The following RAB3C variants were observed in gnomAD, a reference collection of about 807,000 sequenced individuals.
RAB3C encodes the protein ras-related protein Rab-3C.
Under a neutral mutation model 26.4 loss-of-function variants are expected in RAB3C, and 17 were observed. That is an observed-to-expected ratio of 0.64 (90% confidence interval 0.44 to 0.97). The LOEUF is 0.97. Among genes scored for constraint, RAB3C ranks in the 50% least tolerant of loss-of-function variants. The pLI is 0.00. For synonymous variants in RAB3C, 91 were observed against 95.9 expected, an observed-to-expected ratio of 0.95 and a Z score of 0.30; for missense variants, 242 against 281.9, an observed-to-expected ratio of 0.86 and a Z score of 1.01.
At chr5:58,671,994 C>G (rs1748127873) in intron 2 of RAB3C, among the ~76,000 whole-genome samples, 1 of 152,058 alleles carries the variant, frequency 6.6e-6, no homozygotes, top group Admixed American at 6.5e-5. Flanking sequence ...CAATCAGGTA[C>G]TCTTCATTCA....
intron 4 of RAB3C, among the ~76,000 whole-genome samples, chr5:58,828,417 A>C (rs528604934): frequency 6.0e-4 from 92 of 152,084 alleles, no homozygotes; most frequent in Non-Finnish European, 1.2e-3. Flanking sequence ...TTTCCTTGGT[A>C]GACTCCTCCT....
chr5:58,690,767 A>C (rs1280342171), intron 2 of RAB3C, among the ~76,000 whole-genome samples: 1 of 152,182 alleles, frequency 6.6e-6, no homozygotes, highest in Admixed American at 6.6e-5. Context: ...AAAGAAAAAA[A>C]AAGCAGACTA....
intron 3 of RAB3C, among the ~76,000 whole-genome samples, chr5:58,727,046 C>G (rs572932659): frequency 1.3e-5 from 2 of 152,098 alleles, no homozygotes; most frequent in Non-Finnish European, 2.9e-5. Flanking sequence ...AAATACCGCA[C>G]TTTAACTGTA....
At chr5:58,822,303 T>C (rs1036898437) in intron 3 of RAB3C, among the ~76,000 whole-genome samples, 4 of 152,250 alleles carry the variant, frequency 2.6e-5, no homozygotes, top group Non-Finnish European at 4.4e-5. Flanking sequence ...CTGAGTGATC[T>C]TGGGCAATTA....
intron 2 of RAB3C, among the ~76,000 whole-genome samples, chr5:58,688,748 A>C (rs1748499020): frequency 6.6e-6 from 1 of 152,114 alleles, no homozygotes; most frequent in African/African-American, 2.4e-5. Context: ...TTACAGATTA[A>C]ACTCCATAAA....
At chr5:58,823,167 A>G (rs1195961921) in intron 3 of RAB3C, 4 of 357,502 alleles carry the variant, frequency 1.1e-5, no homozygotes, top group Non-Finnish European at 2.2e-5. Context: ...GATGCTTACA[A>G]GAAACGGTTC....
At chr5:58,781,071 A>G (rs1742259133) in intron 3 of RAB3C, among the ~76,000 whole-genome samples, 1 of 152,028 alleles carries the variant, frequency 6.6e-6, no homozygotes, top group Non-Finnish European at 1.5e-5. Flanking sequence ...CTGAATAGTA[A>G]CTAGAACTGC....
intron 3 of RAB3C, among the ~76,000 whole-genome samples, chr5:58,783,623 T>G (rs1008105647): frequency 1.3e-5 from 2 of 152,186 alleles, no homozygotes; most frequent in Non-Finnish European, 2.9e-5. Context: ...ATATAGTACT[T>G]GCTCTGGATC....
intron 2 of RAB3C, chr5:58,647,549 G>A (rs1324393514): frequency 6.6e-6 from 1 of 152,084 alleles, no homozygotes; most frequent in East Asian, 1.9e-4. Flanking sequence ...ATTTCAGTGG[G>A]GACACAGCCA....
intron 1 of RAB3C, among the ~76,000 whole-genome samples, chr5:58,614,953 C>A (rs555379875): frequency 2.0e-5 from 3 of 152,034 alleles, no homozygotes; most frequent in African/African-American, 7.2e-5. Flanking sequence ...TATAAATAAT[C>A]TGTACATAAT....
At chr5:58,827,758 G>C (rs965069864) in intron 4 of RAB3C, among the ~76,000 whole-genome samples, 1 of 152,162 alleles carries the variant, frequency 6.6e-6, no homozygotes. Context: ...CATTTACCTC[G>C]TTTAATGTGG....
intron 2 of RAB3C, among the ~76,000 whole-genome samples, chr5:58,707,115 TCC>T (rs1748959734): frequency 6.6e-6 from 1 of 152,210 alleles, no homozygotes; most frequent in Non-Finnish European, 1.5e-5. Context: ...TAATCTTATT[TCC>T]ATTTCTGGAA....
chr5:58,802,235 G>C (rs778224773), intron 3 of RAB3C, among the ~76,000 whole-genome samples: 6 of 152,080 alleles, frequency 3.9e-5, no homozygotes, highest in Middle Eastern at 3.2e-3. Context: ...TTTTGAATTA[G>C]AGAGCTTCTT....
At chr5:58,784,857 G>A (rs437730) in intron 3 of RAB3C, 119,211 of 152,194 alleles carry the variant, frequency 0.78, 46,842 homozygotes, top group African/African-American at 0.83. Context: ...AGGAAAGCAC[G>A]GCATTATCTA....
intron 3 of RAB3C, among the ~76,000 whole-genome samples, chr5:58,776,346 AAATAT>A (rs1427452132): frequency 6.6e-6 from 1 of 152,004 alleles, no homozygotes; most frequent in Non-Finnish European, 1.5e-5. Flanking sequence ...TCTACACCTT[AAATAT>A]TGGTGTTTCC....
chr5:58,632,222 G>C (rs1333986502), intron 2 of RAB3C, among the ~76,000 whole-genome samples: 1 of 152,162 alleles, frequency 6.6e-6, no homozygotes, highest in African/African-American at 2.4e-5. Context: ...TTTTACGCTG[G>C]GGTTTATCAG....
intron 3 of RAB3C, among the ~76,000 whole-genome samples, chr5:58,813,323 A>G (rs1743128648): frequency 6.6e-6 from 1 of 152,026 alleles, no homozygotes; most frequent in African/African-American, 2.4e-5. Flanking sequence ...TATTCCATAC[A>G]TGGTTTAGCA....
intron 3 of RAB3C, among the ~76,000 whole-genome samples, chr5:58,816,078 G>A (rs6892583): frequency 0.34 from 50,975 of 152,082 alleles, 9,550 homozygotes; most frequent in African/African-American, 0.51. Context: ...AATAATCAGT[G>A]CTTTTGAGCC....
intron 2 of RAB3C, 47 bp from the exon 3 acceptor site, chr5:58,725,955 G>T: frequency 1.8e-6 from 2 of 1,117,704 alleles, no homozygotes; most frequent in Non-Finnish European, 2.6e-6. Flanking sequence ...TCCCAAAAAT[G>T]TATTGCCTTA....
Sources: allele counts gnomAD v4.1 joint callset (sites outside exome capture counted in the v4.1 genomes callset), GRCh38; gene constraint gnomAD v4.1.1; transcripts MANE v1.5; gene names NCBI Gene and HGNC (gene_info 2026-07-23, HGNC 2026-07-21).